Variants in DACH1 observed in about 807,000 individuals in gnomAD.
DACH1 encodes dachshund homolog 1.
Under a neutral mutation model 54.2 loss-of-function variants are expected in DACH1, and 12 were observed. The observed-to-expected ratio is 0.22, with a 90% confidence interval of 0.14 to 0.36. The LOEUF is 0.36. Among genes scored for constraint, DACH1 ranks in the 10% least tolerant of loss-of-function variants. The pLI is 1.00. For missense variants in DACH1, 805 were observed against 929.8 expected (o/e 0.87, Z 1.75); for synonymous variants, 386 against 366.2 (o/e 1.05, Z -0.62).
intron 3 of DACH1, among the ~76,000 whole-genome samples, chr13:71,592,523 GA>G (rs1384674103): frequency 8.1e-6 from 1 of 122,822 alleles, no homozygotes; most frequent in South Asian, 2.6e-4. Context: ...AAAAAGAAAA[GA>G]AAAAAAGAAA....
At position 71,866,356 on chromosome 13, in the gene DACH1, G is replaced by GCT; in HGVS notation, c.413_414insAG (p.Gly139AlafsTer56). 3.9e-6 allele frequency: 6 copies of GCT among 1,527,068 alleles called. No individual in the cohort carries two copies. The highest frequency in any genetic ancestry group is 5.3e-6 in the Non-Finnish European group (6 of 1,136,836). 94.6% of individuals were successfully genotyped at this position (1,527,068 alleles called of 1,614,324 possible). ...TGCTACTGCTGCTGCTGCTGCTGCCGGTGCTGGCGTTGATGGGGGTGCTGG... is the reference window on the plus strand; with the variant it reads ...TGCTACTGCTGCTGCTGCTGCTGCCGCTGTGCTGGCGTTGATGGGGGTGCTGG... On this transcript the variant is annotated frameshift_variant, in exon 1 of 11. Transcript: ENST00000613252. LOFTEE classifies it high-confidence loss of function.
intron 1 of DACH1, among the ~76,000 whole-genome samples, chr13:71,795,891 T>A (rs1218306882): frequency 6.6e-6 from 1 of 152,102 alleles, no homozygotes; most frequent in Admixed American, 6.6e-5. Context: ...GGTGCTTAGG[T>A]GATAGATAAT....
chr13:71,525,779 A>G lies in DACH1; in HGVS notation c.1570+31245T>C, dbSNP rs140809450. On this transcript the variant is annotated intron_variant, in intron 6 of 10. Coordinates refer to ENST00000613252, the MANE Select transcript of DACH1 (RefSeq NM_080759.6). Reference sequence around the variant, plus strand: ...AAGCTTATCAAAAACTTTAAGATTAATAGTATTTTTGGAATGAAGCTTAAA... The same window carrying G: ...AAGCTTATCAAAAACTTTAAGATTAGTAGTATTTTTGGAATGAAGCTTAAA... 8.3e-4 allele frequency among the ~76,000 whole-genome samples: 126 copies of G among 152,260 alleles called. 1 individual carries two copies. The highest frequency in any genetic ancestry group is 3.0e-3 in the African/African-American group (123 of 41,572).
At chr13:71,829,658 G>A (rs1037583259) in intron 1 of DACH1, among the ~76,000 whole-genome samples, 1 of 151,850 alleles carries the variant, frequency 6.6e-6, no homozygotes, top group African/African-American at 2.4e-5. Flanking sequence ...CTAATGGTTT[G>A]TTTCAAATAA....
At chr13:71,660,398 C>G (rs931661293) in intron 2 of DACH1, among the ~76,000 whole-genome samples, 1 of 151,992 alleles carries the variant, frequency 6.6e-6, no homozygotes, top group African/African-American at 2.4e-5. Flanking sequence ...TACCCATTTT[C>G]AATTTAACAA....
At chr13:71,568,221 T>C (rs1168885229) in intron 4 of DACH1, among the ~76,000 whole-genome samples, 1 of 151,888 alleles carries the variant, frequency 6.6e-6, no homozygotes, top group Non-Finnish European at 1.5e-5. Context: ...CTAACACAAA[T>C]AAAAGATGAA....
At chr13:71,460,858 G>A (rs1396957845) in intron 10 of DACH1, among the ~76,000 whole-genome samples, 3 of 151,738 alleles carry the variant, frequency 2.0e-5, no homozygotes, top group African/African-American at 7.3e-5. Context: ...ACCTCAATGG[G>A]GTCTCCTCCA....
At chr13:71,548,830 C>CACTT (rs753960636) in intron 6 of DACH1, among the ~76,000 whole-genome samples, 2 of 151,906 alleles carry the variant, frequency 1.3e-5, no homozygotes, top group African/African-American at 2.4e-5. Flanking sequence ...ACCCAAGGAT[C>CACTT]ACTTGAACCC....
At chr13:71,787,497 C>T (rs1886646763) in intron 1 of DACH1, among the ~76,000 whole-genome samples, 1 of 152,172 alleles carries the variant, frequency 6.6e-6, no homozygotes, top group Non-Finnish European at 1.5e-5. Flanking sequence ...GATGATGAAC[C>T]ATTAAAGTTA....
chr13:71,702,452 T>G (rs1882186999), intron 1 of DACH1, among the ~76,000 whole-genome samples: 1 of 152,184 alleles, frequency 6.6e-6, no homozygotes, highest in African/African-American at 2.4e-5. Flanking sequence ...ATGCTTTGCA[T>G]CCTATATACT....
intron 3 of DACH1, 86 bp from the exon 4 acceptor site, chr13:71,573,098 T>C (rs1363819407): frequency 7.5e-7 from 1 of 1,331,252 alleles, no homozygotes; most frequent in Non-Finnish European, 1.0e-6. Flanking sequence ...CTAATAATGG[T>C]AGTCAAAGAA....
At chr13:71,598,357 C>T (rs535143205) in intron 3 of DACH1, among the ~76,000 whole-genome samples, 40 of 152,182 alleles carry the variant, frequency 2.6e-4, no homozygotes, top group African/African-American at 9.4e-4. Context: ...CAGGTTCACA[C>T]GATTCCTCTG....
chr13:71,674,946 A>G (rs1880458718), intron 2 of DACH1: 1 of 649,138 alleles, frequency 1.5e-6, no homozygotes, highest in African/African-American at 1.8e-5. Context: ...ATGAAAACAC[A>G]TACAAACGGT....
intron 2 of DACH1, among the ~76,000 whole-genome samples, chr13:71,655,384 T>G (rs1240974305): frequency 1.3e-5 from 2 of 151,818 alleles, no homozygotes; most frequent in Admixed American, 6.6e-5. Context: ...TTTTTTTTTT[T>G]TTTGAAACAG....
intron 3 of DACH1, among the ~76,000 whole-genome samples, chr13:71,612,290 GTTATA>G (rs1382150666): frequency 6.6e-6 from 1 of 151,836 alleles, no homozygotes; most frequent in African/African-American, 2.4e-5. Context: ...AATTCCTTAT[GTTATA>G]TTATATTATA....
rs574788806 is a variant in DACH1, at chr13:71,645,717, G to A, written c.965-15000C>T. On this transcript the variant is annotated intron_variant, in intron 2 of 10. Coordinates refer to ENST00000613252, the MANE Select transcript of DACH1 (RefSeq NM_080759.6). The stretch of plus-strand genomic sequence containing the variant: ...AATTGTAACATTGTGAAACTAAAAC[G>A]CTGAAAGAACGTGCTCATGCCTGCA... Among the ~76,000 whole-genome samples the A allele has an allele frequency of 4.0e-3, 608 of 152,266 alleles. 4 individuals carry two copies. Among genetic ancestry groups the A allele is most frequent in the Non-Finnish European group, 6.8e-3 (463 of 68,020 alleles).
chr13:71,621,376 TAAAC>T (rs1177395604), intron 3 of DACH1, among the ~76,000 whole-genome samples: 1 of 152,044 alleles, frequency 6.6e-6, no homozygotes, highest in Admixed American at 6.6e-5. Flanking sequence ...AGAAAGGACA[TAAAC>T]AGACTAATTA....
At chr13:71,843,169 G>A (rs1872997686) in intron 1 of DACH1, among the ~76,000 whole-genome samples, 1 of 152,054 alleles carries the variant, frequency 6.6e-6, no homozygotes, top group Non-Finnish European at 1.5e-5. Flanking sequence ...AGCACATTAT[G>A]GAGAATGGGG....
chr13:71,611,829 G>T (rs1306502978), intron 3 of DACH1, among the ~76,000 whole-genome samples: 1 of 151,774 alleles, frequency 6.6e-6, no homozygotes, highest in African/African-American at 2.4e-5. Flanking sequence ...AAGCTTTTTT[G>T]CCTCCTTTTT....
Sources: allele counts gnomAD v4.1 joint callset (sites outside exome capture counted in the v4.1 genomes callset), GRCh38; gene constraint gnomAD v4.1.1; transcripts MANE v1.5; gene names NCBI Gene and HGNC (gene_info 2026-07-23, HGNC 2026-07-21).